Variants in PRKCE observed in about 807,000 individuals in gnomAD.
PRKCE encodes protein kinase C epsilon type.
In PRKCE, 16 loss-of-function variants were observed where a neutral mutation model predicts 85.4. The observed-to-expected ratio is 0.19, with a 90% confidence interval of 0.13 to 0.28. The LOEUF is 0.28. PRKCE is among the 10% of genes least tolerant of loss of function. PRKCE has a pLI of 1.00. For missense variants in PRKCE, 573 were observed against 975.2 expected, an observed-to-expected ratio of 0.59 and a Z score of 5.49; for synonymous variants, 388 against 371.5, an observed-to-expected ratio of 1.04 and a Z score of -0.51.
chr2:45,845,266 C>T (rs1009235880), intron 2 of PRKCE: 2 of 151,858 alleles, frequency 1.3e-5, no homozygotes, highest in African/African-American at 2.4e-5. Flanking sequence ...AGGGGAGGCC[C>T]TAGAGAATGA....
chr2:46,018,751 A>G (rs1706388020), intron 10 of PRKCE, among the ~76,000 whole-genome samples: 1 of 152,376 alleles, frequency 6.6e-6, no homozygotes, highest in Middle Eastern at 3.4e-3. Flanking sequence ...TAACATCAGT[A>G]TCATACTCTA....
intron 1 of PRKCE, among the ~76,000 whole-genome samples, chr2:45,825,095 C>T (rs763649685): frequency 3.4e-4 from 51 of 152,234 alleles, no homozygotes; most frequent in Non-Finnish European, 6.3e-4. Flanking sequence ...TTTTTTCCTC[C>T]GGGGATGAAT....
chr2:45,916,997 G>A (rs968194946), intron 2 of PRKCE, among the ~76,000 whole-genome samples: 1 of 152,134 alleles, frequency 6.6e-6, no homozygotes, highest in African/African-American at 2.4e-5. Context: ...GCAGCAGCAG[G>A]ATTTATTGCA....
At chr2:46,055,618 C>A (rs1350398001) in intron 10 of PRKCE, among the ~76,000 whole-genome samples, 5 of 152,178 alleles carry the variant, frequency 3.3e-5, no homozygotes, top group African/African-American at 9.7e-5. Context: ...CTTGCTGTGA[C>A]TTCCATTCTC....
chr2:45,664,585 TC>T (rs1237395865), intron 1 of PRKCE, among the ~76,000 whole-genome samples: 4 of 152,202 alleles, frequency 2.6e-5, no homozygotes, highest in Admixed American at 6.5e-5. Flanking sequence ...TTTGCTATAT[TC>T]CAAGTGTACA....
intron 6 of PRKCE, among the ~76,000 whole-genome samples, chr2:45,992,705 A>T (rs1035059168): frequency 2.0e-4 from 30 of 152,284 alleles, no homozygotes; most frequent in African/African-American, 7.0e-4. Flanking sequence ...CCATTCCCAG[A>T]AGGTTGTCTG....
chr2:45,909,655 C>T (rs1697234867), intron 2 of PRKCE, among the ~76,000 whole-genome samples: 1 of 152,218 alleles, frequency 6.6e-6, no homozygotes, highest in African/African-American at 2.4e-5. Flanking sequence ...CTTCCTCATC[C>T]CCTACCCCCA....
chr2:45,827,348 A>T (rs149802744), intron 1 of PRKCE, among the ~76,000 whole-genome samples: 1 of 152,226 alleles, frequency 6.6e-6, no homozygotes, highest in African/African-American at 2.4e-5. Flanking sequence ...TAAATGAAGG[A>T]TCTATTCTGA....
intron 11 of PRKCE, among the ~76,000 whole-genome samples, chr2:46,098,555 C>G (rs1410211194): frequency 1.3e-5 from 2 of 152,158 alleles, no homozygotes; most frequent in Non-Finnish European, 2.9e-5. Flanking sequence ...AACACTTTGT[C>G]TAGTTAGAGG....
At position 45,725,756 on chromosome 2, in the gene PRKCE, G is replaced by A. The variant is rs1414015181; in HGVS notation, c.348+73308G>A. ...TGAGGCAGGATGATCGCTTGAACCC[G>A]GGAGGCGGAGGTTGCAGTGAACCGA... On this transcript the variant is annotated intron_variant, in intron 1 of 14. Coordinates refer to ENST00000306156, the MANE Select transcript of PRKCE (RefSeq NM_005400.3). 2.6e-5 allele frequency among the ~76,000 whole-genome samples: 4 copies of A among 152,094 alleles called. No individual in the cohort carries two copies. The East Asian group carries it at 5.8e-4, about 22-fold the overall frequency.
At chr2:45,847,664 C>T (rs1450409454) in intron 2 of PRKCE, among the ~76,000 whole-genome samples, 1 of 152,222 alleles carries the variant, frequency 6.6e-6, no homozygotes, top group Non-Finnish European at 1.5e-5. Flanking sequence ...CCCCAGGCCA[C>T]AATCCAGGTC....
In PRKCE at chr2:46,004,625, C is replaced by A. The variant is rs1338157018; in HGVS notation, c.1050C>A (p.Ser350=). 6.3e-7 allele frequency: 1 copy of A among 1,585,370 alleles called. No individual in the cohort carries two copies. The highest frequency in any genetic ancestry group is 2.2e-5 in the East Asian group (1 of 44,546). The part of the protein sequence containing the change: ...EEDRSKSAPT[S]PCDQEIKELE... ...ATCGATCCAAGTCAGCACCCACCTC[C>A]CCTTGTGACCAGGGTGAGACCCTCA... The change falls in exon 8 of 15, where the codon TCC becomes TCA. Residue 350 remains serine, a synonymous_variant. Coordinates refer to ENST00000306156, the MANE Select transcript of PRKCE (RefSeq NM_005400.3). This position sits in a 1 kb window ranked among gnomAD's most constrained non-coding sequence, Gnocchi z 4.1.
chr2:45,671,161 G>C (rs576936745), intron 1 of PRKCE, among the ~76,000 whole-genome samples: 1 of 152,146 alleles, frequency 6.6e-6, no homozygotes, highest in East Asian at 1.9e-4. Flanking sequence ...CTGCACAATG[G>C]GGATACATTT....
At chr2:45,947,306 CA>C (rs1173171901) in intron 2 of PRKCE, among the ~76,000 whole-genome samples, 2 of 151,644 alleles carry the variant, frequency 1.3e-5, no homozygotes, top group African/African-American at 4.9e-5. Context: ...TGCCAGGAGC[CA>C]GGGGGTGGGG....
chr2:45,719,883 C>T (rs1370786193), intron 1 of PRKCE, among the ~76,000 whole-genome samples: 1 of 152,138 alleles, frequency 6.6e-6, no homozygotes. Context: ...TATGATCTAG[C>T]CACTGCACCT....
At chr2:45,903,915 G>GTTTTTTTTTT (rs57203202) in intron 2 of PRKCE, among the ~76,000 whole-genome samples, 3 of 93,642 alleles carry the variant, frequency 3.2e-5, no homozygotes, top group Non-Finnish European at 5.3e-5. Flanking sequence ...TTGTTTGTTT[G>GTTTTTTTTTT]TTTTTTTTGG....
At chr2:45,804,208 C>G (rs1485649915) in intron 1 of PRKCE, among the ~76,000 whole-genome samples, 1 of 152,170 alleles carries the variant, frequency 6.6e-6, no homozygotes, top group African/African-American at 2.4e-5. Flanking sequence ...TGCTGCGTAG[C>G]CAAAGCCAAG....
intron 11 of PRKCE, among the ~76,000 whole-genome samples, chr2:46,096,963 T>A (rs1442454462): frequency 6.6e-6 from 1 of 152,096 alleles, no homozygotes; most frequent in African/African-American, 2.4e-5. Flanking sequence ...TGGGGTTGTT[T>A]AGGGGCTCGG....
intron 1 of PRKCE, among the ~76,000 whole-genome samples, chr2:45,810,927 C>T (rs1249554136): frequency 6.6e-6 from 1 of 152,220 alleles, no homozygotes; most frequent in Admixed American, 6.5e-5. Context: ...GATACCCAAT[C>T]ATCATTTTTG....
Sources: allele counts gnomAD v4.1 joint callset (sites outside exome capture counted in the v4.1 genomes callset), GRCh38; gene constraint gnomAD v4.1.1; non-coding constraint Gnocchi (gnomAD v3.1); transcripts MANE v1.5; gene names NCBI Gene and HGNC (gene_info 2026-07-23, HGNC 2026-07-21).